The following DTNB variants were observed in gnomAD, a reference collection of about 807,000 sequenced individuals.
DTNB encodes dystrobrevin beta.
DTNB carries 63 observed loss-of-function variants against 90.7 expected under a neutral mutation model. The ratio of observed to expected loss-of-function variants is 0.69; its 90% CI spans 0.57 to 0.86. DTNB has a LOEUF of 0.86. DTNB is among the 40% of genes least tolerant of loss of function. The pLI is 0.00. For synonymous variants in DTNB, 277 were observed against 286.7 expected (o/e 0.97, Z 0.34); for missense variants, 744 against 807.1 (o/e 0.92, Z 0.95).
chr2:25,411,564 A>G (rs1424727762), intron 16 of DTNB, among the ~76,000 whole-genome samples: 1 of 152,084 alleles, frequency 6.6e-6, no homozygotes, highest in Non-Finnish European at 1.5e-5. Flanking sequence ...ATATCCTGGG[A>G]CTGCGACCCA....
intron 8 of DTNB, among the ~76,000 whole-genome samples, chr2:25,542,226 TGCC>T (rs1484309236): frequency 1.3e-5 from 2 of 152,318 alleles, no homozygotes; most frequent in Non-Finnish European, 2.9e-5. Context: ...CCAGTTCTTC[TGCC>T]TCAGCCTCAC....
chr2:25,600,276 G>A (rs1027233984), intron 5 of DTNB, among the ~76,000 whole-genome samples: 6 of 152,230 alleles, frequency 3.9e-5, no homozygotes, highest in South Asian at 4.1e-4. Flanking sequence ...GCCACTTAAC[G>A]AATGACTTCT....
At chr2:25,389,662 G>A (rs976921738) in intron 16 of DTNB, among the ~76,000 whole-genome samples, 2 of 152,096 alleles carry the variant, frequency 1.3e-5, no homozygotes, top group Non-Finnish European at 2.9e-5. Context: ...GTGTGAGAGT[G>A]AATTCAAATG....
chr2:25,667,796 G>A (rs2084836012), intron 1 of DTNB, among the ~76,000 whole-genome samples: 1 of 152,130 alleles, frequency 6.6e-6, no homozygotes, highest in African/African-American at 2.4e-5. Flanking sequence ...CAAATTTAAT[G>A]TCTACACAAA....
At chr2:25,503,714 A>G (rs1314218079) in intron 9 of DTNB, among the ~76,000 whole-genome samples, 1 of 151,722 alleles carries the variant, frequency 6.6e-6, no homozygotes, top group African/African-American at 2.4e-5. Flanking sequence ...GGAGATCGAG[A>G]CCATCCTGGC....
At chr2:25,443,855 A>C (rs2057963509) in intron 12 of DTNB, among the ~76,000 whole-genome samples, 1 of 152,208 alleles carries the variant, frequency 6.6e-6, no homozygotes, top group Non-Finnish European at 1.5e-5. Flanking sequence ...ACATGTAGGG[A>C]GGTTTGGAGC....
intron 15 of DTNB, among the ~76,000 whole-genome samples, 156 bp from the exon 16 acceptor site, chr2:25,419,691 C>G (rs779101091): frequency 3.3e-5 from 5 of 152,158 alleles, no homozygotes; most frequent in East Asian, 1.9e-4. Context: ...CCCCATCCCC[C>G]ACAGGAGCAT....
intron 7 of DTNB, 35 bp downstream of exon 7, chr2:25,580,686 A>C: frequency 3.3e-6 from 5 of 1,535,740 alleles, no homozygotes; most frequent in Non-Finnish European, 4.5e-6. Flanking sequence ...TACTTTCTAT[A>C]GCATGCGGAA....
chr2:25,596,668 A>G lies in DTNB; in HGVS notation c.449-428T>C, dbSNP rs188692995. ...TACATTAGCATCTTGGTGATAGGGT[A>G]TGAAAGAAATTGTATTATACTTGTA... is the stretch of plus-strand genomic sequence containing the variant. On this transcript the variant is annotated intron_variant, in intron 5 of 20. Coordinates refer to ENST00000406818, the MANE Select transcript of DTNB (RefSeq NM_021907.5). Among the ~76,000 whole-genome samples the G allele has an allele frequency of 1.4e-4, 21 of 152,320 alleles. 1 individual carries two copies. In the East Asian group the frequency reaches 3.9e-3, roughly 28 times the overall value.
chr2:25,578,595 T>G (rs2061065240), intron 7 of DTNB, among the ~76,000 whole-genome samples: 1 of 152,196 alleles, frequency 6.6e-6, no homozygotes. Flanking sequence ...CAATCCTTAG[T>G]CAGTGGAATG....
chr2:25,482,091 T>C (rs747954268), intron 10 of DTNB, among the ~76,000 whole-genome samples: 1 of 152,338 alleles, frequency 6.6e-6, no homozygotes, highest in African/African-American at 2.4e-5. Context: ...TGATGACTGT[T>C]AGAAAGAATT....
intron 19 of DTNB, among the ~76,000 whole-genome samples, chr2:25,383,147 T>C (rs1167046947): frequency 6.6e-6 from 1 of 152,136 alleles, no homozygotes; most frequent in African/African-American, 2.4e-5. Flanking sequence ...TATACTTATA[T>C]GCTGAAAGTT....
At chr2:25,667,809 C>A (rs898110733) in intron 1 of DTNB, among the ~76,000 whole-genome samples, 4 of 152,184 alleles carry the variant, frequency 2.6e-5, no homozygotes, top group African/African-American at 9.7e-5. Context: ...TACACAAAAA[C>A]CTGCACACGG....
intron 1 of DTNB, among the ~76,000 whole-genome samples, chr2:25,657,018 C>CA (rs1052905048): frequency 6.6e-5 from 10 of 151,742 alleles, no homozygotes; most frequent in East Asian, 1.9e-4. Context: ...TACTAAAATA[C>CA]AAAAAAAATT....
intron 1 of DTNB, among the ~76,000 whole-genome samples, chr2:25,661,845 G>GT (rs1204635435): frequency 6.6e-6 from 1 of 152,122 alleles, no homozygotes; most frequent in African/African-American, 2.4e-5. Context: ...AGCAAAAGCA[G>GT]TATCTAGTAA....
intron 5 of DTNB, among the ~76,000 whole-genome samples, chr2:25,597,597 G>A (rs2064910482): frequency 6.6e-6 from 1 of 152,176 alleles, no homozygotes; most frequent in South Asian, 2.1e-4. Context: ...CCAAAGGAAT[G>A]AAAATCTTCA....
chr2:25,634,447 C>A (rs2076668607), intron 3 of DTNB, among the ~76,000 whole-genome samples: 2 of 149,652 alleles, frequency 1.3e-5, no homozygotes, highest in Non-Finnish European at 3.0e-5. Context: ...GGGTCAGCCC[C>A]CCGCCCGGCC....
chr2:25,391,132 G>A (rs867605520), intron 16 of DTNB, among the ~76,000 whole-genome samples: 26 of 151,138 alleles, frequency 1.7e-4, no homozygotes, highest in Admixed American at 1.3e-3. Context: ...TCCTGACCTC[G>A]TGATCCACCT....
At chr2:25,537,958 G>A (rs973264980) in intron 8 of DTNB, among the ~76,000 whole-genome samples, 1 of 152,178 alleles carries the variant, frequency 6.6e-6, no homozygotes, top group East Asian at 1.9e-4. Context: ...TGATTTAATG[G>A]AGAGGTCTTA....
Sources: allele counts gnomAD v4.1 joint callset (sites outside exome capture counted in the v4.1 genomes callset), GRCh38; gene constraint gnomAD v4.1.1; transcripts MANE v1.5; gene names NCBI Gene and HGNC (gene_info 2026-07-23, HGNC 2026-07-21).